Variants in SIPA1L3 observed in about 807,000 individuals in gnomAD.
The protein encoded by SIPA1L3 is signal-induced proliferation-associated 1-like protein 3.
Under a neutral mutation model 150.1 loss-of-function variants are expected in SIPA1L3, and 59 were observed. The observed-to-expected ratio is 0.39, with a 90% confidence interval of 0.32 to 0.49. The LOEUF is 0.49. SIPA1L3 is among the 20% of genes least tolerant of loss of function. SIPA1L3 has a pLI of 0.86. For missense variants in SIPA1L3, 2,211 were observed against 2,489.5 expected (o/e 0.89, Z 2.38); for synonymous variants, 1,070 against 1,077.6 (o/e 0.99, Z 0.14).
chr19:38,098,431 G>A (rs1238530152), intron 4 of SIPA1L3, among the ~76,000 whole-genome samples: 1 of 133,738 alleles, frequency 7.5e-6, no homozygotes, highest in Non-Finnish European at 1.5e-5. Context: ...GTCTCGCTCT[G>A]TCACCCGGGC....
intron 3 of SIPA1L3, among the ~76,000 whole-genome samples, chr19:38,086,274 A>T (rs935195248): frequency 2.0e-5 from 3 of 152,302 alleles, no homozygotes; most frequent in African/African-American, 7.2e-5. Flanking sequence ...AAATAAGATT[A>T]TACATTAAAA....
At chr19:38,130,839 C>T (rs1460630820) in intron 10 of SIPA1L3, 67 bp downstream of exon 10, 5 of 1,508,234 alleles carry the variant, frequency 3.3e-6, no homozygotes, top group African/African-American at 2.8e-5. Flanking sequence ...TGAGGCCTCC[C>T]TGGCACTGTC....
At chr19:38,205,234 C>T (rs909335046) in intron 21 of SIPA1L3, among the ~76,000 whole-genome samples, 4 of 151,798 alleles carry the variant, frequency 2.6e-5, no homozygotes, top group East Asian at 1.9e-4. Flanking sequence ...TTTGGGAGGC[C>T]GAGGTGGGTG....
At chr19:38,103,222 G>A (rs1158125053) in intron 6 of SIPA1L3, among the ~76,000 whole-genome samples, 2 of 152,126 alleles carry the variant, frequency 1.3e-5, no homozygotes, top group African/African-American at 4.8e-5. Context: ...TCTAGGAAAC[G>A]GTGCTCACGT....
intron 2 of SIPA1L3, among the ~76,000 whole-genome samples, chr19:38,050,597 C>T (rs920575722): frequency 1.3e-5 from 2 of 152,188 alleles, no homozygotes; most frequent in African/African-American, 2.4e-5. Flanking sequence ...TTTCAATGCA[C>T]GTCAGAATGG....
At chr19:37,950,864 C>T (rs541691828) in intron 1 of SIPA1L3, among the ~76,000 whole-genome samples, 27 of 152,374 alleles carry the variant, frequency 1.8e-4, no homozygotes, top group South Asian at 4.1e-4. Context: ...ATTCCCCAGA[C>T]GGTGATTCTT....
chr19:38,106,770 C>T, intron 7 of SIPA1L3, 130 bp downstream of exon 7: 1 of 656,254 alleles, frequency 1.5e-6, no homozygotes, highest in East Asian at 2.7e-5. Context: ...ACTATGGTCA[C>T]TTTCCCTGGG....
chr19:37,929,393 G>T (rs531388778), intron 1 of SIPA1L3, among the ~76,000 whole-genome samples: 13 of 152,316 alleles, frequency 8.5e-5, no homozygotes, highest in African/African-American at 3.1e-4. Flanking sequence ...TTTTGTCATC[G>T]TGCTTACCAG....
chr19:38,106,673 G>A (rs1413170079), intron 7 of SIPA1L3, 33 bp downstream of exon 7: 2 of 1,453,088 alleles, frequency 1.4e-6, no homozygotes, highest in African/African-American at 2.8e-5. Context: ...ACGGCTGCCG[G>A]ATGTTGGCTG....
chr19:38,143,764 C>T (rs1302208894), intron 12 of SIPA1L3, among the ~76,000 whole-genome samples: 1 of 152,000 alleles, frequency 6.6e-6, no homozygotes, highest in Non-Finnish European at 1.5e-5. Flanking sequence ...GTCTCAAACT[C>T]CTGGCCTCAA....
intron 11 of SIPA1L3, 42 bp downstream of exon 11, chr19:38,141,477 C>A: frequency 6.4e-7 from 1 of 1,574,470 alleles, no homozygotes; most frequent in Non-Finnish European, 8.6e-7. Flanking sequence ...CAACCCCCAC[C>A]AGCCCACACC....
At chr19:38,115,176 G>T (rs1221254716) in intron 8 of SIPA1L3, among the ~76,000 whole-genome samples, 1 of 152,200 alleles carries the variant, frequency 6.6e-6, no homozygotes, top group African/African-American at 2.4e-5. Flanking sequence ...TCTGAAAGCT[G>T]ATGAGAGCTG....
At chr19:37,943,555 G>A (rs187930333) in intron 1 of SIPA1L3, among the ~76,000 whole-genome samples, 9 of 152,242 alleles carry the variant, frequency 5.9e-5, no homozygotes, top group Non-Finnish European at 1.2e-4. Context: ...CAGAAAACGG[G>A]GACTTTCGAT....
At chr19:37,980,318 TATA>T (rs1341190720) in intron 1 of SIPA1L3, among the ~76,000 whole-genome samples, 3 of 152,152 alleles carry the variant, frequency 2.0e-5, no homozygotes, top group Admixed American at 2.0e-4. Context: ...CAAATATGAA[TATA>T]TATTTTTGTC....
chr19:38,048,909 C>G (rs974146414), intron 2 of SIPA1L3, among the ~76,000 whole-genome samples: 1 of 152,060 alleles, frequency 6.6e-6, no homozygotes, highest in African/African-American at 2.4e-5. Context: ...ACGGTGAAAC[C>G]CCGTGTCTAC....
chr19:37,968,263 G>A (rs912281946), intron 1 of SIPA1L3, among the ~76,000 whole-genome samples: 1 of 152,068 alleles, frequency 6.6e-6, no homozygotes, highest in Non-Finnish European at 1.5e-5. Flanking sequence ...GTTAGAGACG[G>A]GGTTTCACCA....
At position 38,164,832 on chromosome 19, in the gene SIPA1L3, G is replaced by A. The variant is rs1300124470; in HGVS notation, c.4134G>A (p.Pro1378=). Reference sequence around the variant, plus strand: ...CCGGCCAAAGCAAGGGCTACCGACCGAAGCTGTACTCCTCCGGCTCCAGCA... The same window carrying A: ...CCGGCCAAAGCAAGGGCTACCGACCAAAGCTGTACTCCTCCGGCTCCAGCA... The part of the protein sequence containing the change: ...AVAGQSKGYR[P]KLYSSGSSTP... Residue 1378 remains proline (P), a synonymous_variant, in exon 15 of 22, where the codon CCG becomes CCA. Coordinates refer to ENST00000222345, the MANE Select transcript of SIPA1L3 (RefSeq NM_015073.3). This position sits in a 1 kb window ranked among gnomAD's most constrained non-coding sequence, Gnocchi z 4.1. 5.0e-6 allele frequency: 8 copies of A among 1,605,850 alleles called. No individual in the cohort carries two copies. Among genetic ancestry groups the A allele is most frequent in the East Asian group, 2.2e-5 (1 of 44,700 alleles).
At chr19:38,049,477 C>T (rs778908284) in intron 2 of SIPA1L3, among the ~76,000 whole-genome samples, 12 of 152,306 alleles carry the variant, frequency 7.9e-5, no homozygotes, top group South Asian at 2.1e-4. Flanking sequence ...ACATCTGCCA[C>T]GGCTCACGTG....
chr19:37,933,000 G>A (rs2046569380), intron 1 of SIPA1L3, among the ~76,000 whole-genome samples: 1 of 152,116 alleles, frequency 6.6e-6, no homozygotes. Context: ...GATGAGCTCT[G>A]TGGTCTCGCC....
Sources: allele counts gnomAD v4.1 joint callset (sites outside exome capture counted in the v4.1 genomes callset), GRCh38; gene constraint gnomAD v4.1.1; non-coding constraint Gnocchi (gnomAD v3.1); transcripts MANE v1.5; gene names NCBI Gene and HGNC (gene_info 2026-07-23, HGNC 2026-07-21).